DNAJC15: variants seen among roughly 807,000 people sequenced by gnomAD.
DNAJC15 encodes dnaJ homolog subfamily C member 15.
DNAJC15 carries 27 observed loss-of-function variants against 22.4 expected under a neutral mutation model. That is an observed-to-expected ratio of 1.20 (90% CI 0.89 to 1.66). The LOEUF is 1.66. Ranked by LOEUF, DNAJC15 falls within the 40% of genes most tolerant of loss-of-function variation. The pLI is 0.00. For missense variants in DNAJC15, 208 were observed against 187.1 expected, an observed-to-expected ratio of 1.11 and a Z score of -0.65; for synonymous variants, 79 against 63.2, an observed-to-expected ratio of 1.25 and a Z score of -1.19.
At chr13:43,042,969 A>G (rs565109144) in intron 1 of DNAJC15, among the ~76,000 whole-genome samples, 1 of 152,152 alleles carries the variant, frequency 6.6e-6, no homozygotes, top group Non-Finnish European at 1.5e-5. Context: ...CAAATATGCA[A>G]CCTGGTTTGG....
At chr13:43,058,220 A>G (rs1187654881) in intron 1 of DNAJC15, among the ~76,000 whole-genome samples, 2 of 152,136 alleles carry the variant, frequency 1.3e-5, no homozygotes, top group Non-Finnish European at 2.9e-5. Context: ...GCTTCTAGCC[A>G]GGAGGTAGAG....
intron 1 of DNAJC15, among the ~76,000 whole-genome samples, chr13:43,061,256 T>G (rs1384987202): frequency 1.3e-5 from 2 of 152,132 alleles, no homozygotes; most frequent in Non-Finnish European, 2.9e-5. Flanking sequence ...GGTGGAAGTT[T>G]CAGTGGGGGA....
chr13:43,034,028 C>CAA (rs568856935), intron 1 of DNAJC15, among the ~76,000 whole-genome samples: 37,259 of 107,972 alleles, frequency 0.35, 5,329 homozygotes, highest in Middle Eastern at 0.45. Context: ...AACTTCATCT[C>CAA]AAAAAAAAAA....
intron 5 of DNAJC15, among the ~76,000 whole-genome samples, 168 bp downstream of exon 5, chr13:43,086,006 C>T (rs2040686626): frequency 6.6e-6 from 1 of 152,156 alleles, no homozygotes; most frequent in African/African-American, 2.4e-5. Flanking sequence ...GTGATTCACA[C>T]AAGTAGTGGA....
At chr13:43,031,935 T>C (rs2040405759) in intron 1 of DNAJC15, among the ~76,000 whole-genome samples, 1 of 152,140 alleles carries the variant, frequency 6.6e-6, no homozygotes, top group Admixed American at 6.5e-5. Flanking sequence ...TCATAGCTAG[T>C]GGAGTTGTTG....
chr13:43,063,373 GC>G (rs2040568463), intron 1 of DNAJC15, among the ~76,000 whole-genome samples: 4 of 152,292 alleles, frequency 2.6e-5, no homozygotes, highest in Admixed American at 2.6e-4. Context: ...AGGTCACTGT[GC>G]TAAATCTTTT....
chr13:43,060,349 A>G (rs2040552670), intron 1 of DNAJC15, among the ~76,000 whole-genome samples: 1 of 152,166 alleles, frequency 6.6e-6, no homozygotes, highest in Admixed American at 6.5e-5. Context: ...GATGGCCTGG[A>G]TGTGGTTTTG....
At chr13:43,064,468 G>T (rs1422190643) in intron 1 of DNAJC15, among the ~76,000 whole-genome samples, 1 of 152,170 alleles carries the variant, frequency 6.6e-6, no homozygotes, top group Non-Finnish European at 1.5e-5. Context: ...TCCCTAGGGA[G>T]ATTATGCTAG....
intron 1 of DNAJC15, among the ~76,000 whole-genome samples, chr13:43,038,529 A>G (rs2040438743): frequency 6.6e-6 from 1 of 152,194 alleles, no homozygotes; most frequent in African/African-American, 2.4e-5. Context: ...GCGGTGGCTC[A>G]TGCCTGTAAT....
rs1168402378 is a variant in DNAJC15 at position 43,069,001 on chromosome 13, C to T, written c.232C>T (p.Pro78Ser). The T allele has an allele frequency of 5.0e-6, 8 of 1,611,286 alleles. No individual in the cohort carries two copies. The highest frequency in any genetic ancestry group is 6.8e-6 in the Non-Finnish European group (8 of 1,178,722). ...AGAAACTGCAAAGAAGATTTCAACT[C>T]CTGTAAGTTAAACGTGGCTTTAGTT... Reference protein sequence around the residue: ...ITETAKKISTPSFSSYYKGGF... With the variant: ...ITETAKKISTSSFSSYYKGGF... Residue 78 changes from proline to serine, a missense_variant and splice_region_variant, in exon 3 of 6, where the codon CCT becomes TCT. Coordinates refer to ENST00000379221, the MANE Select transcript of DNAJC15 (RefSeq NM_013238.3).
chr13:43,100,816 G>A (rs2040765189), intron 5 of DNAJC15, among the ~76,000 whole-genome samples: 1 of 152,078 alleles, frequency 6.6e-6, no homozygotes, highest in Admixed American at 6.5e-5. Flanking sequence ...TTTCCTTGTT[G>A]GTCTTTTGTG....
chr13:43,085,783 G>T lies in DNAJC15; in HGVS notation c.327G>T (p.Lys109Asn). 1.2e-6 allele frequency: 2 copies of T among 1,612,616 alleles called. No homozygotes were observed. Among genetic ancestry groups the T allele is most frequent in the South Asian group, 2.2e-5 (2 of 90,578 alleles). Residue 109 changes from lysine (K) to asparagine (N), a missense_variant, in exon 5 of 6, where the codon AAG becomes AAT. Transcript: ENST00000379221. ...LILGVSPSAG[K>N]AKIRTAHRRV... is the part of the protein sequence containing the mutation. ...CTTTTTACAGCCCATCTGCTGGCAA[G>T]GCTAAGATTAGAACAGCTCATAGGA...
chr13:43,048,217 C>T (rs368373445), intron 1 of DNAJC15, among the ~76,000 whole-genome samples: 21 of 152,150 alleles, frequency 1.4e-4, no homozygotes, highest in African/African-American at 3.9e-4. Flanking sequence ...CATTGGCTTA[C>T]GCCTATTATC....
chr13:43,031,383 C>T (rs759872165), intron 1 of DNAJC15, among the ~76,000 whole-genome samples: 5 of 152,096 alleles, frequency 3.3e-5, no homozygotes, highest in Non-Finnish European at 5.9e-5. Context: ...GTTGTGTGAT[C>T]AGTGGAGGCC....
intron 4 of DNAJC15, among the ~76,000 whole-genome samples, chr13:43,084,268 T>C (rs2040676993): frequency 6.6e-6 from 1 of 152,238 alleles, no homozygotes; most frequent in Admixed American, 6.5e-5. Context: ...AGATATCTAA[T>C]ACAGTCTCAT....
chr13:43,073,940 G>T (rs1265198066), intron 3 of DNAJC15, among the ~76,000 whole-genome samples: 1 of 147,406 alleles, frequency 6.8e-6, no homozygotes, highest in African/African-American at 2.5e-5. Context: ...TTTTTTCTGG[G>T]GGAGAAAACC....
Position 43,023,636 on chromosome 13 carries a change from C to A in DNAJC15, c.10C>A (p.Arg4Ser). Residue 4 changes from arginine to serine, a missense_variant, in exon 1 of 6, where the codon CGT becomes AGT. By Grantham distance (110) the Arg-to-Ser change is moderately radical. Coordinates refer to ENST00000379221, the MANE Select transcript of DNAJC15 (RefSeq NM_013238.3). MAA[R>S]GVIAPVGESL... ...TCCGGGCCGCCTTGCCATGGCTGCCCGTGGTGTCATCGCTCCAGTTGGCGA... is the reference window on the plus strand; with the variant it reads ...TCCGGGCCGCCTTGCCATGGCTGCCAGTGGTGTCATCGCTCCAGTTGGCGA... 1 of 1,610,912 alleles carries A rather than the reference C, an allele frequency of 6.2e-7. No individual in the cohort carries two copies. Among genetic ancestry groups the A allele is most frequent in the Non-Finnish European group, 8.5e-7 (1 of 1,178,812 alleles).
chr13:43,081,564 A>G (rs1427460440), intron 4 of DNAJC15, among the ~76,000 whole-genome samples: 4 of 151,664 alleles, frequency 2.6e-5, no homozygotes, highest in African/African-American at 9.7e-5. Context: ...TCAGCCTCCC[A>G]AGTAGCTGGG....
At chr13:43,034,242 CA>C (rs113329991) in intron 1 of DNAJC15, among the ~76,000 whole-genome samples, 17,021 of 150,022 alleles carry the variant, frequency 0.11, 2,825 homozygotes, top group African/African-American at 0.37. Context: ...TTATGCTCTC[CA>C]CTCCTTAAAT....
Sources: gnomAD v4.1 joint callset for allele counts (sites outside exome capture counted in the v4.1 genomes callset) on GRCh38, gnomAD v4.1.1 for gene constraint, MANE v1.5 for transcripts, NCBI Gene and HGNC (gene_info 2026-07-23, HGNC 2026-07-21) for gene names.